Variants in PXYLP1 observed in about 807,000 individuals in gnomAD.
The protein encoded by PXYLP1 is 2-phosphoxylose phosphatase 1.
Under a neutral mutation model 37.9 loss-of-function variants are expected in PXYLP1, and 17 were observed. The observed-to-expected ratio is 0.45, with a 90% confidence interval of 0.31 to 0.67. The LOEUF (loss-of-function observed/expected upper bound fraction) is 0.67. Among genes scored for constraint, PXYLP1 ranks in the 30% least tolerant of loss-of-function variants. The probability of loss-of-function intolerance (pLI) is 0.07; values close to 1 mark genes in which losing one functional copy is unlikely to be tolerated. For missense variants in PXYLP1, 511 were observed against 612.0 expected (o/e 0.84, Z 1.74); for synonymous variants, 221 against 232.2 (o/e 0.95, Z 0.44).
rs775047388 is a variant in PXYLP1, at chr3:141,279,459, C to T, written c.320C>T (p.Pro107Leu). The T allele has an allele frequency of 6.2e-7, 1 of 1,614,220 alleles. No individual in the cohort carries two copies. ...GACAGGTACCCACTGTATGTCATTC[C>T]CAAAACAAAGCGACCAGAAATTGAC... ...HGDRYPLYVI[P>L]KTKRPEIDCT... Residue 107 changes from proline (P) to leucine (L), a missense_variant, in exon 4 of 6, where the codon CCC becomes CTC. Pro to Leu is a moderately conservative substitution (Grantham distance 98, BLOSUM62 -3). Transcript: ENST00000286353.
Position 141,293,288 on chromosome 3 carries a change from G to A in PXYLP1, c.*83G>A. ...CACTTCTAGTTTTGTCTGTTACTAA[G>A]GGTAGAAGATTATTGCTTTTTAAAG... On this transcript the variant is annotated 3_prime_UTR_variant, in exon 6 of 6. Coordinates refer to ENST00000286353, the MANE Select transcript of PXYLP1 (RefSeq NM_001037172.3). The A allele has an allele frequency of 1.5e-6, 2 of 1,349,338 alleles. No individual in the cohort carries two copies. The highest frequency in any genetic ancestry group is 1.5e-5 in the African/African-American group (1 of 68,428). 83.6% of individuals were successfully genotyped at this position (1,349,338 alleles called of 1,614,324 possible).
intron 1 of PXYLP1, among the ~76,000 whole-genome samples, chr3:141,253,692 TA>T (rs5853027): frequency 2.0e-4 from 29 of 144,670 alleles, no homozygotes; most frequent in African/African-American, 3.3e-4. Flanking sequence ...GAAACTTTTC[TA>T]AAAAAAAAAA....
chr3:141,273,341 C>T, intron 2 of PXYLP1: 2 of 985,414 alleles, frequency 2.0e-6, no homozygotes, highest in Non-Finnish European at 2.4e-6. Context: ...CTTGACCTGC[C>T]TCTGCCTAAG....
intron 1 of PXYLP1, among the ~76,000 whole-genome samples, chr3:141,250,855 CTT>C (rs1477783784): frequency 2.0e-5 from 3 of 152,216 alleles, no homozygotes; most frequent in Non-Finnish European, 4.4e-5. Context: ...GGATGAGTCT[CTT>C]TGCTTGCTAG....
In PXYLP1 at chr3:141,279,596, T is replaced by C. The variant is rs1576601847; in HGVS notation, c.365+92T>C. 8.6e-6 allele frequency: 13 copies of C among 1,511,954 alleles called. No individual in the cohort carries two copies. In the East Asian group the frequency reaches 3.0e-4, roughly 34 times the overall value. The allele number at this position is 1,511,954 out of a possible 1,614,324, so 93.7% of individuals were successfully genotyped here. On this transcript the variant is annotated intron_variant, in intron 4 of 5. Coordinates refer to ENST00000286353, the MANE Select transcript of PXYLP1 (RefSeq NM_001037172.3). ...AGGACCTACACTTGGTGAACCATAC[T>C]GTTTGCAGGAGCCTGAGCTCAGAGC...
rs149027208 is a variant in PXYLP1, at chr3:141,277,518, A to G, written c.80-824A>G. ...CACATTTCCATTCTTACAGATTAGC[A>G]TCCGAAAGAAAAAGAGCACCTCTTC... On this transcript the variant is annotated intron_variant, in intron 2 of 5. Coordinates refer to ENST00000286353, the MANE Select transcript of PXYLP1 (RefSeq NM_001037172.3). Among the ~76,000 whole-genome samples, 246 of 152,124 alleles carry G rather than the reference A, an allele frequency of 1.6e-3. 1 individual carries two copies. Among genetic ancestry groups the G allele is most frequent in the African/African-American group, 5.1e-3 (213 of 41,498 alleles).
intron 2 of PXYLP1, among the ~76,000 whole-genome samples, chr3:141,275,349 T>C (rs1179283183): frequency 6.6e-6 from 1 of 152,178 alleles, no homozygotes; most frequent in Non-Finnish European, 1.5e-5. Flanking sequence ...ATAGATGAAC[T>C]AGCAAACTGT....
At chr3:141,288,700 T>C (rs1280056460) in intron 5 of PXYLP1, among the ~76,000 whole-genome samples, 1 of 152,146 alleles carries the variant, frequency 6.6e-6, no homozygotes, top group East Asian at 1.9e-4. Context: ...TCGAGAGCAG[T>C]CTGAGCAACA....
At chr3:141,233,599 C>T (rs1003788497) in intron 1 of PXYLP1, among the ~76,000 whole-genome samples, 1 of 151,928 alleles carries the variant, frequency 6.6e-6, no homozygotes, top group Admixed American at 6.6e-5. Context: ...AAATTAATTG[C>T]TTATCTCAGA....
In PXYLP1 at chr3:141,248,888, GAGAC is replaced by G. The variant is rs754697417; in HGVS notation, c.-53-11231_-53-11228del. ...ACACGTATATATATATATGGAGAGA[GAGAC>G]AGAGTGAGTGTGTGTGTGTGTGTGT... On this transcript the variant is annotated intron_variant, in intron 1 of 5. Transcript: ENST00000286353. Among the ~76,000 whole-genome samples the G allele has an allele frequency of 6.3e-5, 9 of 142,812 alleles. 1 individual carries two copies. The highest frequency in any genetic ancestry group is 2.0e-4 in the Admixed American group (3 of 14,796). The allele number at this position is 142,812 out of a possible 152,430, so 93.7% of individuals were successfully genotyped here. A position where few individuals can be genotyped will look rare whatever the true frequency, so the allele number is the denominator to read the frequency against.
chr3:141,284,302 A>G (rs980609368), intron 4 of PXYLP1, among the ~76,000 whole-genome samples: 3 of 152,152 alleles, frequency 2.0e-5, no homozygotes, highest in African/African-American at 7.2e-5. Context: ...GGTTGCTGCC[A>G]TGCCTAAATA....
At chr3:141,254,703 C>G (rs1483953338) in intron 1 of PXYLP1, among the ~76,000 whole-genome samples, 1 of 151,612 alleles carries the variant, frequency 6.6e-6, no homozygotes, top group Non-Finnish European at 1.5e-5. Flanking sequence ...CAATTGCAGA[C>G]TTGAAGGGTT....
At chr3:141,265,993 C>T (rs761843369) in intron 2 of PXYLP1, among the ~76,000 whole-genome samples, 2 of 152,146 alleles carry the variant, frequency 1.3e-5, no homozygotes, top group Non-Finnish European at 2.9e-5. Flanking sequence ...AGGTAGCCAG[C>T]GGGCCCAGTG....
intron 1 of PXYLP1, among the ~76,000 whole-genome samples, chr3:141,251,401 C>T (rs1941137571): frequency 6.6e-6 from 1 of 152,314 alleles, no homozygotes; most frequent in Admixed American, 6.5e-5. Flanking sequence ...TCCTTTTGAT[C>T]TGGAATGGCC....
At chr3:141,234,855 T>C (rs1456388619) in intron 1 of PXYLP1, 1 of 152,254 alleles carries the variant, frequency 6.6e-6, no homozygotes, top group African/African-American at 2.4e-5. Context: ...CACGAACTTA[T>C]CTTTCTTACC....
At chr3:141,245,243 G>T (rs190172663) in intron 1 of PXYLP1, among the ~76,000 whole-genome samples, 1 of 151,636 alleles carries the variant, frequency 6.6e-6, no homozygotes, top group South Asian at 2.1e-4. Context: ...AGAGACAGGG[G>T]TCTCTACTAA....
chr3:141,246,797 A>G (rs564925371), intron 1 of PXYLP1, among the ~76,000 whole-genome samples: 14 of 152,372 alleles, frequency 9.2e-5, no homozygotes, highest in African/African-American at 3.1e-4. Flanking sequence ...GCCTTAAAAC[A>G]GCCGTCATTT....
At chr3:141,252,350 G>A (rs1232789986) in intron 1 of PXYLP1, among the ~76,000 whole-genome samples, 2 of 152,282 alleles carry the variant, frequency 1.3e-5, no homozygotes, top group South Asian at 2.1e-4. Flanking sequence ...GAAAAGAAAT[G>A]TATTTAGTTC....
At chr3:141,271,729 A>C (rs1223050648) in intron 2 of PXYLP1, among the ~76,000 whole-genome samples, 1 of 152,224 alleles carries the variant, frequency 6.6e-6, no homozygotes, top group Non-Finnish European at 1.5e-5. Context: ...TCTGACTCCC[A>C]CTGCAGAAGT....
Sources: allele counts gnomAD v4.1 joint callset (sites outside exome capture counted in the v4.1 genomes callset), GRCh38; gene constraint gnomAD v4.1.1; transcripts MANE v1.5; gene names NCBI Gene and HGNC (gene_info 2026-07-23, HGNC 2026-07-21).